Variants in TLN2 observed in about 807,000 individuals in gnomAD.
TLN2 encodes talin 2.
Under a neutral mutation model 294.7 loss-of-function variants are expected in TLN2, and 118 were observed. The ratio of observed to expected loss-of-function variants is 0.40; its 90% CI spans 0.34 to 0.47. The LOEUF (loss-of-function observed/expected upper bound fraction) is 0.47, where lower values mean the gene tolerates loss of function less well. TLN2 is among the 20% of genes least tolerant of loss of function. The pLI, the probability that TLN2 is intolerant of heterozygous loss-of-function variation, is 0.84. For missense variants in TLN2, 3,083 were observed against 3,282.2 expected, an observed-to-expected ratio of 0.94 and a Z score of 1.48; for synonymous variants, 1,431 against 1,304.5, an observed-to-expected ratio of 1.10 and a Z score of -2.09.
At chr15:62,778,965 CAGCA>C (rs1282280053) in intron 43 of TLN2, among the ~76,000 whole-genome samples, 1 of 152,244 alleles carries the variant, frequency 6.6e-6, no homozygotes, top group African/African-American at 2.4e-5. Context: ...GGTCCCTGTG[CAGCA>C]AGCGTTAGAA....
chr15:62,461,602 G>T (rs756533360), intron 1 of TLN2, among the ~76,000 whole-genome samples: 1 of 152,186 alleles, frequency 6.6e-6, no homozygotes, highest in Non-Finnish European at 1.5e-5. Flanking sequence ...GCATCACTGC[G>T]GGCCAGGCTC....
At chr15:62,494,404 C>T (rs895211781) in intron 1 of TLN2, among the ~76,000 whole-genome samples, 8 of 152,128 alleles carry the variant, frequency 5.3e-5, no homozygotes, top group African/African-American at 1.7e-4. Context: ...GGTGTTAATT[C>T]TCCTCCAGGC....
In TLN2 at chr15:62,563,097, C is replaced by G. The variant is rs563418044; in HGVS notation, c.-237-26590C>G. 7.2e-5 allele frequency among the ~76,000 whole-genome samples: 11 copies of G among 152,142 alleles called. No individual in the cohort carries two copies. In the East Asian group the frequency reaches 2.1e-3, roughly 29 times the overall value. On this transcript the variant is annotated intron_variant, in intron 1 of 58. Coordinates refer to ENST00000636159, the MANE Select transcript of TLN2 (RefSeq NM_015059.3). ...TTTTTGTATAATGACTTATTTTCCT[C>G]TGAGTAGATACCCAGTAGTGGGATT...
chr15:62,446,244 C>T (rs762546284), intron 1 of TLN2, among the ~76,000 whole-genome samples: 4 of 151,686 alleles, frequency 2.6e-5, no homozygotes, highest in African/African-American at 7.3e-5. Flanking sequence ...GTCATCCGCC[C>T]GTCTCCCCAA....
chr15:62,748,258 A>G lies in TLN2; in HGVS notation c.4026-93A>G, dbSNP rs1041473226. 3.1e-6 allele frequency: 3 copies of G among 969,268 alleles called. No homozygotes were observed. The African/African-American group carries it at 4.9e-5, about 16-fold the overall frequency. The allele number at this position is 969,268 out of a possible 1,614,324, so 60.0% of individuals were successfully genotyped here. ...CCTGGGGACCCGAGCTGAAATAGTG[A>G]ATTAATTGTATTTCTGGTGAGCCTG... On this transcript the variant is annotated intron_variant, in intron 32 of 58. Coordinates refer to ENST00000636159, the MANE Select transcript of TLN2 (RefSeq NM_015059.3).
chr15:62,540,666 A>G (rs2041628645), intron 1 of TLN2, among the ~76,000 whole-genome samples: 2 of 152,102 alleles, frequency 1.3e-5, no homozygotes, highest in Non-Finnish European at 2.9e-5. Context: ...GAGTTTTAGG[A>G]GTGGTGAGGG....
chr15:62,490,198 ACAT>A (rs1041757832), intron 1 of TLN2, among the ~76,000 whole-genome samples: 69 of 152,348 alleles, frequency 4.5e-4, no homozygotes, highest in African/African-American at 1.6e-3. Context: ...GTGATAGCTA[ACAT>A]CATGCGATAG....
intron 1 of TLN2, among the ~76,000 whole-genome samples, chr15:62,470,082 C>T (rs1345541527): frequency 1.3e-5 from 2 of 152,128 alleles, no homozygotes; most frequent in African/African-American, 4.8e-5. Context: ...CCTGCCAATT[C>T]CAGAAGGACA....
chr15:62,657,461 T>C (rs1330633231), intron 8 of TLN2, among the ~76,000 whole-genome samples: 1 of 152,254 alleles, frequency 6.6e-6, no homozygotes, highest in Non-Finnish European at 1.5e-5. Context: ...GATCATTTCA[T>C]ATGAGTTTCC....
chr15:62,673,994 C>G (rs1318994342), intron 10 of TLN2, 104 bp downstream of exon 10: 13 of 753,376 alleles, frequency 1.7e-5, no homozygotes, highest in Non-Finnish European at 1.7e-5. Context: ...CGTGCCTGTA[C>G]TCTGATATAA....
chr15:62,731,908 T>G (rs1462965123), intron 28 of TLN2, among the ~76,000 whole-genome samples: 1 of 152,228 alleles, frequency 6.6e-6, no homozygotes, highest in Non-Finnish European at 1.5e-5. Context: ...ACTGTATACA[T>G]TTATTACTTT....
rs547978714 is a variant in TLN2, at chr15:62,727,433, T to G, written c.3358+244T>G. ...CATTAGACTATAAAGAAATAGTAAT[T>G]GTAGACTTCCAGGTCTATCTGTGAA... On this transcript the variant is annotated intron_variant, in intron 28 of 58. Transcript: ENST00000636159. 7.2e-5 allele frequency among the ~76,000 whole-genome samples: 11 copies of G among 152,328 alleles called. No individual in the cohort carries two copies. The East Asian group carries it at 1.9e-3, about 27-fold the overall frequency.
intron 1 of TLN2, among the ~76,000 whole-genome samples, chr15:62,486,226 G>C (rs2038384203): frequency 6.6e-6 from 1 of 152,016 alleles, no homozygotes; most frequent in Non-Finnish European, 1.5e-5. Flanking sequence ...TTGCTAGCCT[G>C]TCCTTGCTGG....
rs77840713 is a variant in TLN2 at position 62,392,371 on chromosome 15, G to A, written c.-238+1686G>A. On this transcript the variant is annotated intron_variant, in intron 1 of 58. Coordinates refer to ENST00000636159, the MANE Select transcript of TLN2 (RefSeq NM_015059.3). ...ACGGTTGGGTAGGGATGATGTCTTG[G>A]AGAAGTGGTCCCCAAAATACACGTA... is the stretch of plus-strand genomic sequence containing the variant. 2.0e-3 allele frequency among the ~76,000 whole-genome samples: 301 copies of A among 152,338 alleles called. 1 individual carries two copies. Among genetic ancestry groups the A allele is most frequent in the African/African-American group, 7.0e-3 (290 of 41,582 alleles).
At chr15:62,596,833 A>G (rs1319340574) in intron 2 of TLN2, among the ~76,000 whole-genome samples, 5 of 152,222 alleles carry the variant, frequency 3.3e-5, no homozygotes, top group African/African-American at 1.2e-4. Flanking sequence ...AAAAGCTTAT[A>G]GTGAAAAGCA....
chr15:62,672,646 C>G (rs978214331), intron 9 of TLN2, among the ~76,000 whole-genome samples: 24 of 152,174 alleles, frequency 1.6e-4, no homozygotes, highest in Non-Finnish European at 8.8e-5. Flanking sequence ...TTCCTTGGTT[C>G]AAGCCACAAG....
intron 1 of TLN2, among the ~76,000 whole-genome samples, chr15:62,541,296 A>G (rs953519839): frequency 6.6e-6 from 1 of 152,164 alleles, no homozygotes; most frequent in African/African-American, 2.4e-5. Flanking sequence ...ACACAAGTAA[A>G]TATCTTGTAT....
chr15:62,675,493 C>A (rs547206789), intron 11 of TLN2, among the ~76,000 whole-genome samples, 172 bp downstream of exon 11: 15 of 152,208 alleles, frequency 9.9e-5, no homozygotes, highest in Non-Finnish European at 2.1e-4. Context: ...AGGGGTATGA[C>A]CTGCAGGCTG....
intron 1 of TLN2, among the ~76,000 whole-genome samples, chr15:62,559,624 A>T (rs1260783270): frequency 6.6e-6 from 1 of 152,116 alleles, no homozygotes; most frequent in Non-Finnish European, 1.5e-5. Flanking sequence ...TTGCCATAGC[A>T]CCTGACATAT....
Sources: gnomAD v4.1 joint callset for allele counts (sites outside exome capture counted in the v4.1 genomes callset) on GRCh38, gnomAD v4.1.1 for gene constraint, MANE v1.5 for transcripts, NCBI Gene and HGNC (gene_info 2026-07-23, HGNC 2026-07-21) for gene names.